LRRC4C: variants seen among roughly 807,000 people sequenced by gnomAD.
LRRC4C encodes leucine-rich repeat-containing protein 4C.
A neutral mutation model predicts 33.6 loss-of-function variants in LRRC4C; 5 were observed. The observed-to-expected ratio is 0.15, with a 90% CI of 0.08 to 0.31. The LOEUF (loss-of-function observed/expected upper bound fraction) is 0.31. Ranked by LOEUF, LRRC4C falls within the 10% of genes least tolerant of loss-of-function variation. The probability of loss-of-function intolerance (pLI) is 1.00; values close to 1 mark genes in which losing one functional copy is unlikely to be tolerated. For synonymous variants in LRRC4C, 329 were observed against 302.0 expected (o/e 1.09, Z -0.93); for missense variants, 560 against 796.7 (o/e 0.70, Z 3.58).
At chr11:41,406,986 A>G (rs1954266020) in intron 1 of LRRC4C, among the ~76,000 whole-genome samples, 1 of 152,170 alleles carries the variant, frequency 6.6e-6, no homozygotes, top group African/African-American at 2.4e-5. Flanking sequence ...AAGGGAAAAA[A>G]TCTTGTAATT....
chr11:40,867,680 C>T (rs2135910969), intron 2 of LRRC4C, among the ~76,000 whole-genome samples: 1 of 152,198 alleles, frequency 6.6e-6, no homozygotes, highest in South Asian at 2.1e-4. Context: ...AGATTTTATT[C>T]AGGGCCTTCC....
intron 1 of LRRC4C, among the ~76,000 whole-genome samples, chr11:41,408,978 C>T (rs748241420): frequency 3.2e-4 from 49 of 152,174 alleles, no homozygotes; most frequent in Non-Finnish European, 4.0e-4. Context: ...ACCTGAAGAA[C>T]AGCAGGGCGA....
In LRRC4C at chr11:40,680,815, T is replaced by A. The variant is rs375360120; in HGVS notation, c.-406-32537A>T. On this transcript the variant is annotated intron_variant, in intron 2 of 6. Transcript: ENST00000528697. Reference sequence around the variant, plus strand: ...GTGTAAGCAATTTGAATGACATAATTTATTAAACCCAACATATGCAAAATA... The same window carrying A: ...GTGTAAGCAATTTGAATGACATAATATATTAAACCCAACATATGCAAAATA... Among the ~76,000 whole-genome samples, 3 of 152,302 alleles carry A rather than the reference T, an allele frequency of 2.0e-5. No individual in the cohort carries two copies. The East Asian group carries it at 5.8e-4, about 29-fold the overall frequency.
At chr11:40,891,851 G>C (rs149974824) in intron 2 of LRRC4C, among the ~76,000 whole-genome samples, 1 of 151,976 alleles carries the variant, frequency 6.6e-6, no homozygotes, top group African/African-American at 2.4e-5. Flanking sequence ...GAAGTTCTTC[G>C]GGGGCTGGGC....
At chr11:40,542,048 T>TTC (rs150598380) in intron 3 of LRRC4C, among the ~76,000 whole-genome samples, 1 of 136,888 alleles carries the variant, frequency 7.3e-6, no homozygotes. Flanking sequence ...TTCTTTCTCT[T>TTC]TCTCTCTTTC....
intron 3 of LRRC4C, among the ~76,000 whole-genome samples, chr11:40,533,961 C>A (rs925595730): frequency 6.6e-6 from 1 of 152,142 alleles, no homozygotes; most frequent in Non-Finnish European, 1.5e-5. Context: ...ATAGACATTG[C>A]CCAGCACAAT....
intron 2 of LRRC4C, among the ~76,000 whole-genome samples, chr11:40,866,256 C>A (rs1301866843): frequency 6.6e-6 from 1 of 150,554 alleles, no homozygotes; most frequent in Non-Finnish European, 1.5e-5. Context: ...ATACAGTTGG[C>A]TTTCTTTTTC....
intron 2 of LRRC4C, among the ~76,000 whole-genome samples, chr11:40,790,967 G>A (rs909522553): frequency 6.6e-6 from 1 of 152,174 alleles, no homozygotes; most frequent in African/African-American, 2.4e-5. Flanking sequence ...GGAAGCCAAA[G>A]TGCCAAGTTA....
At chr11:41,005,608 A>G (rs1233632719) in intron 1 of LRRC4C, among the ~76,000 whole-genome samples, 10 of 152,022 alleles carry the variant, frequency 6.6e-5, no homozygotes, top group Admixed American at 5.2e-4. Context: ...CATCTCAAAA[A>G]TAAAAATAAA....
chr11:40,468,574 C>T (rs1952768792), intron 3 of LRRC4C, among the ~76,000 whole-genome samples: 1 of 151,960 alleles, frequency 6.6e-6, no homozygotes, highest in African/African-American at 2.4e-5. Context: ...TTAACCATCA[C>T]AGGAAACAAT....
At chr11:40,593,548 C>T (rs1959153719) in intron 3 of LRRC4C, among the ~76,000 whole-genome samples, 1 of 152,146 alleles carries the variant, frequency 6.6e-6, no homozygotes, top group South Asian at 2.1e-4. Flanking sequence ...CAGAGACAGG[C>T]ATGCAGGGAT....
At chr11:41,278,835 C>T (rs1949564582) in intron 1 of LRRC4C, among the ~76,000 whole-genome samples, 1 of 151,992 alleles carries the variant, frequency 6.6e-6, no homozygotes, top group Non-Finnish European at 1.5e-5. Context: ...TTTTTTTCCC[C>T]CAACTTTTAA....
At chr11:40,991,536 C>T (rs980750509) in intron 1 of LRRC4C, among the ~76,000 whole-genome samples, 19 of 152,120 alleles carry the variant, frequency 1.2e-4, no homozygotes, top group African/African-American at 4.6e-4. Context: ...CTTATTTGTG[C>T]ACTTTATTTC....
chr11:41,253,512 A>G (rs960248354), intron 1 of LRRC4C, among the ~76,000 whole-genome samples: 4 of 152,056 alleles, frequency 2.6e-5, no homozygotes, highest in African/African-American at 7.2e-5. Flanking sequence ...GCTGCATTTC[A>G]TTTTACAAGA....
At chr11:40,538,564 G>T (rs1956573958) in intron 3 of LRRC4C, among the ~76,000 whole-genome samples, 1 of 152,138 alleles carries the variant, frequency 6.6e-6, no homozygotes, top group Admixed American at 6.5e-5. Flanking sequence ...CCAAGTCTTT[G>T]CTATTGTGAA....
At chr11:40,984,415 G>GAAAGAAAGAGAA (rs775053197) in intron 1 of LRRC4C, among the ~76,000 whole-genome samples, 1 of 73,604 alleles carries the variant, frequency 1.4e-5, no homozygotes, top group East Asian at 3.6e-4. Context: ...AAGAAAGAAA[G>GAAAGAAAGAGAA]AGAAAGAAAG....
At chr11:40,688,147 T>C (rs577486941) in intron 2 of LRRC4C, among the ~76,000 whole-genome samples, 4 of 152,272 alleles carry the variant, frequency 2.6e-5, no homozygotes, top group African/African-American at 9.6e-5. Flanking sequence ...TATCCCGTAA[T>C]TAGTTTTTTA....
chr11:40,232,037 C>T (rs781457917), intron 5 of LRRC4C, among the ~76,000 whole-genome samples: 6 of 152,250 alleles, frequency 3.9e-5, no homozygotes, highest in East Asian at 1.9e-4. Flanking sequence ...GACAGAGTCT[C>T]GCTCTGTCAC....
chr11:40,362,461 T>C (rs1429905537), intron 3 of LRRC4C, among the ~76,000 whole-genome samples: 3 of 152,176 alleles, frequency 2.0e-5, no homozygotes, highest in East Asian at 3.8e-4. Context: ...GGCTCACATC[T>C]GTAATCCCAG....
Sources: gnomAD v4.1 joint callset for allele counts (sites outside exome capture counted in the v4.1 genomes callset) on GRCh38, gnomAD v4.1.1 for gene constraint, MANE v1.5 for transcripts, NCBI Gene and HGNC (gene_info 2026-07-23, HGNC 2026-07-21) for gene names.